The following PCOLCE2 variants were observed in gnomAD, a reference collection of about 807,000 sequenced individuals.
The protein encoded by PCOLCE2 is procollagen C-endopeptidase enhancer 2, also known as procollagen C-proteinase enhancer 2.
In PCOLCE2, 42 loss-of-function variants were observed where a neutral mutation model predicts 47.0. That is an observed-to-expected ratio of 0.89 (90% CI 0.70 to 1.16). The LOEUF is 1.16. Ranked by LOEUF, PCOLCE2 falls within the 50% of genes most tolerant of loss-of-function variation. The pLI, the probability that PCOLCE2 is intolerant of heterozygous loss-of-function variation, is 0.00. For synonymous variants in PCOLCE2, 169 were observed against 191.7 expected, an observed-to-expected ratio of 0.88 and a Z score of 0.98; for missense variants, 500 against 526.1, an observed-to-expected ratio of 0.95 and a Z score of 0.49.
chr3:142,869,901 T>G (rs1221547592), intron 2 of PCOLCE2, among the ~76,000 whole-genome samples: 2 of 152,214 alleles, frequency 1.3e-5, no homozygotes, highest in East Asian at 1.9e-4. Context: ...CCTGGGCCTG[T>G]GGCATGGGTC....
chr3:142,854,590 T>C (rs1256546405), intron 2 of PCOLCE2, among the ~76,000 whole-genome samples: 3 of 152,190 alleles, frequency 2.0e-5, no homozygotes, highest in East Asian at 3.9e-4. Flanking sequence ...GTTTTGAACA[T>C]TTTCTTTTGT....
chr3:142,818,287 C>T lies in PCOLCE2; in HGVS notation c.*48G>A. On this transcript the variant is annotated 3_prime_UTR_variant, in exon 9 of 9. Coordinates refer to ENST00000295992, the MANE Select transcript of PCOLCE2 (RefSeq NM_013363.4). ...TTTTTTCTACTGAGAGAACATAGAT[C>T]TTTCAAAGGCAATGGCAGAATACAG... 6.4e-7 allele frequency: 1 copy of T among 1,551,668 alleles called. No homozygotes were observed. Among genetic ancestry groups the T allele is most frequent in the Non-Finnish European group, 8.9e-7 (1 of 1,128,630 alleles).
chr3:142,827,212 G>C, intron 6 of PCOLCE2: 1 of 1,252,648 alleles, frequency 8.0e-7, no homozygotes, highest in Non-Finnish European at 1.2e-6. Context: ...AGGGGATGCC[G>C]ATGTGCTGGT....
chr3:142,873,393 CA>C (rs374190713), intron 2 of PCOLCE2, among the ~76,000 whole-genome samples: 140 of 81,636 alleles, frequency 1.7e-3, no homozygotes, highest in Admixed American at 2.8e-3. Context: ...AACTCCATCT[CA>C]AAAAAAAAAA....
chr3:142,823,815 A>AC (rs1937043140), intron 6 of PCOLCE2, among the ~76,000 whole-genome samples, 200 bp from the exon 7 acceptor site: 1 of 152,180 alleles, frequency 6.6e-6, no homozygotes, highest in African/African-American at 2.4e-5. Flanking sequence ...ACAACTCAAT[A>AC]CCCTCTATTG....
intron 5 of PCOLCE2, among the ~76,000 whole-genome samples, chr3:142,834,336 G>T (rs545535138): frequency 1.3e-5 from 2 of 152,240 alleles, no homozygotes; most frequent in South Asian, 4.1e-4. Flanking sequence ...AGGCTTAATG[G>T]AAAACCAGTT....
chr3:142,858,093 T>A (rs148238491), intron 2 of PCOLCE2, among the ~76,000 whole-genome samples: 29 of 152,250 alleles, frequency 1.9e-4, no homozygotes, highest in African/African-American at 7.0e-4. Context: ...GAACTCATCC[T>A]CTCCCATCCA....
chr3:142,847,762 T>C (rs10935470), intron 3 of PCOLCE2, among the ~76,000 whole-genome samples: 94,732 of 152,080 alleles, frequency 0.62, 29,876 homozygotes, highest in Non-Finnish European at 0.66. Context: ...GTCTTGAATT[T>C]CTGAGCTCAA....
intron 2 of PCOLCE2, among the ~76,000 whole-genome samples, chr3:142,880,015 T>G (rs964060763): frequency 7.0e-6 from 1 of 142,536 alleles, no homozygotes; most frequent in Non-Finnish European, 1.6e-5. Context: ...TTCCAAATTA[T>G]ACTTTCTGGA....
At chr3:142,830,281 C>T (rs918356568) in intron 5 of PCOLCE2, among the ~76,000 whole-genome samples, 1 of 152,180 alleles carries the variant, frequency 6.6e-6, no homozygotes, top group Non-Finnish European at 1.5e-5. Flanking sequence ...GGCAGATTCT[C>T]TGAACTAAGA....
chr3:142,861,482 G>T (rs1213846571), intron 2 of PCOLCE2, among the ~76,000 whole-genome samples: 2 of 146,568 alleles, frequency 1.4e-5, no homozygotes, highest in Non-Finnish European at 1.5e-5. Context: ...GTCAAGTTTA[G>T]CCCTGATACT....
intron 2 of PCOLCE2, among the ~76,000 whole-genome samples, chr3:142,886,919 G>T (rs1382582202): frequency 1.3e-5 from 2 of 152,204 alleles, no homozygotes; most frequent in Non-Finnish European, 2.9e-5. Context: ...CTGACTGAAA[G>T]AAGCTCTCAG....
intron 2 of PCOLCE2, among the ~76,000 whole-genome samples, chr3:142,859,066 C>CTT (rs869252402): frequency 2.1e-5 from 3 of 142,884 alleles, no homozygotes; most frequent in African/African-American, 2.6e-5. Flanking sequence ...ATGTTTTCTT[C>CTT]TTTTTTTTTT....
intron 4 of PCOLCE2, 60 bp from the exon 5 acceptor site, chr3:142,838,966 T>G (rs566705295): frequency 7.4e-7 from 1 of 1,343,772 alleles, no homozygotes; most frequent in African/African-American, 1.4e-5. Flanking sequence ...TAACCTCAAA[T>G]GGAATTCTTC....
chr3:142,860,832 C>T (rs1933168335), intron 2 of PCOLCE2, among the ~76,000 whole-genome samples: 1 of 152,206 alleles, frequency 6.6e-6, no homozygotes, highest in Non-Finnish European at 1.5e-5. Flanking sequence ...CATTCTGGAG[C>T]TCTCCTTCCT....
At chr3:142,886,317 G>T (rs377034528) in intron 2 of PCOLCE2, among the ~76,000 whole-genome samples, 1 of 152,052 alleles carries the variant, frequency 6.6e-6, no homozygotes, top group African/African-American at 2.4e-5. Flanking sequence ...GGCACATGAC[G>T]CCTCTGAGCC....
chr3:142,878,291 G>A (rs184430646), intron 2 of PCOLCE2, among the ~76,000 whole-genome samples: 11 of 152,182 alleles, frequency 7.2e-5, no homozygotes, highest in Admixed American at 5.2e-4. Context: ...TTTATTTCGG[G>A]ATGTTTATAT....
intron 6 of PCOLCE2, chr3:142,827,503 G>GCCTCCAGGTTTCT (rs1937096341): frequency 1.1e-5 from 17 of 1,495,346 alleles, no homozygotes; most frequent in Non-Finnish European, 1.5e-5. Context: ...GCTTGCTACG[G>GCCTCCAGGTTTCT]CCTCCAGGCT....
rs575979640 is a variant in PCOLCE2 at position 142,882,997 on chromosome 3, G to A, written c.192+4672C>T. On this transcript the variant is annotated intron_variant, in intron 2 of 8. Coordinates refer to ENST00000295992, the MANE Select transcript of PCOLCE2 (RefSeq NM_013363.4). Reference sequence around the variant, plus strand: ...GGGTGGATCACGAGGTCAGGAGATCGAGACCATCCTGGCTAAGATGGTGAA... The same window carrying A: ...GGGTGGATCACGAGGTCAGGAGATCAAGACCATCCTGGCTAAGATGGTGAA... 4.0e-3 allele frequency among the ~76,000 whole-genome samples: 601 copies of A among 151,888 alleles called. 6 individuals are homozygous for A. The highest frequency in any genetic ancestry group is 0.014 in the African/African-American group (560 of 41,460).
Sources: gnomAD v4.1 joint callset for allele counts (sites outside exome capture counted in the v4.1 genomes callset) on GRCh38, gnomAD v4.1.1 for gene constraint, MANE v1.5 for transcripts, NCBI Gene and HGNC (gene_info 2026-07-23, HGNC 2026-07-21) for gene names.